Variants in SYT1 observed in about 807,000 individuals in gnomAD.
The protein encoded by SYT1 is synaptotagmin 1.
A neutral mutation model predicts 44.8 loss-of-function variants in SYT1; 8 were observed. That is an observed-to-expected ratio of 0.18 (90% CI 0.10 to 0.32). SYT1 has a LOEUF of 0.32. Among genes scored for constraint, SYT1 ranks in the 10% least tolerant of loss-of-function variants. The pLI is 1.00. For synonymous variants in SYT1, 154 were observed against 188.8 expected (o/e 0.82, Z 1.51); for missense variants, 286 against 509.3 (o/e 0.56, Z 4.22).
intron 8 of SYT1, among the ~76,000 whole-genome samples, chr12:79,342,418 A>AT (rs1440281246): frequency 6.6e-6 from 1 of 152,042 alleles, no homozygotes; most frequent in Non-Finnish European, 1.5e-5. Flanking sequence ...TTTTGTAGAG[A>AT]TAGAGTCTGG....
At chr12:79,272,334 C>T (rs1316835275) in intron 4 of SYT1, among the ~76,000 whole-genome samples, 1 of 152,004 alleles carries the variant, frequency 6.6e-6, no homozygotes, top group Non-Finnish European at 1.5e-5. Flanking sequence ...TATCTGATTA[C>T]AATGAACGGG....
intron 2 of SYT1, among the ~76,000 whole-genome samples, chr12:78,993,098 T>C (rs17046167): frequency 0.084 from 12,780 of 152,254 alleles, 663 homozygotes; most frequent in African/African-American, 0.14. Context: ...TCCCTTCTGA[T>C]GGCTTTATAT....
intron 2 of SYT1, among the ~76,000 whole-genome samples, chr12:78,993,811 C>G (rs1284457115): frequency 6.6e-6 from 1 of 151,996 alleles, no homozygotes; most frequent in East Asian, 1.9e-4. Context: ...TTTAAGTATC[C>G]AAATTCTTTG....
chr12:79,242,724 T>C (rs1459365179), intron 4 of SYT1, among the ~76,000 whole-genome samples: 2 of 152,324 alleles, frequency 1.3e-5, no homozygotes, highest in East Asian at 3.9e-4. Context: ...CCAACCAGGT[T>C]GTCTGCTACT....
chr12:79,254,605 T>A (rs951531865), intron 4 of SYT1, among the ~76,000 whole-genome samples: 2 of 152,216 alleles, frequency 1.3e-5, no homozygotes, highest in African/African-American at 4.8e-5. Context: ...AGACTGTAAC[T>A]GCTGTATATA....
Position 79,172,997 on chromosome 12 carries a change from AAAAAAAAAAG to A in SYT1, c.-17-44505_-17-44496del, listed in dbSNP as rs1404972915. 2.2e-4 allele frequency among the ~76,000 whole-genome samples: 31 copies of A among 137,950 alleles called. 2 individuals are homozygous for A. The South Asian group carries it at 4.0e-3, about 18-fold the overall frequency. The allele number at this position is 137,950 out of a possible 152,430, so 90.5% of individuals were successfully genotyped here. On this transcript the variant is annotated intron_variant, in intron 3 of 10. Coordinates refer to ENST00000261205, the MANE Select transcript of SYT1 (RefSeq NM_005639.3). ...AAAAAAAAAAAAAAAAAAAAAAAAAAAAAAAAAAAGGGAGTTTGGCCTGTCCAGAAATAAA... is the reference window on the plus strand; with the variant it reads ...AAAAAAAAAAAAAAAAAAAAAAAAAAGGAGTTTGGCCTGTCCAGAAATAAA...
chr12:79,096,041 A>G (rs1193156702), intron 3 of SYT1, among the ~76,000 whole-genome samples: 1 of 151,912 alleles, frequency 6.6e-6, no homozygotes, highest in Non-Finnish European at 1.5e-5. Flanking sequence ...GATGAGGGGA[A>G]GAAATGCACT....
intron 8 of SYT1, among the ~76,000 whole-genome samples, chr12:79,349,984 C>T (rs1023423613): frequency 6.6e-6 from 1 of 152,112 alleles, no homozygotes; most frequent in Non-Finnish European, 1.5e-5. Context: ...GACAGAAGTG[C>T]TTTTCTTCTC....
At chr12:78,969,559 C>T (rs1349326458) in intron 1 of SYT1, among the ~76,000 whole-genome samples, 2 of 152,168 alleles carry the variant, frequency 1.3e-5, no homozygotes, top group East Asian at 1.9e-4. Flanking sequence ...TGGGCCATGG[C>T]AGGGGATCAG....
chr12:79,431,541 T>TTTAG (rs1475811749), intron 9 of SYT1, among the ~76,000 whole-genome samples: 1 of 149,702 alleles, frequency 6.7e-6, no homozygotes, highest in African/African-American at 2.5e-5. Flanking sequence ...TATTTATTTA[T>TTTAG]TTATTTATTT....
At chr12:79,318,991 CATTA>C (rs1463921469) in intron 8 of SYT1, among the ~76,000 whole-genome samples, 1 of 152,110 alleles carries the variant, frequency 6.6e-6, no homozygotes, top group Non-Finnish European at 1.5e-5. Flanking sequence ...ATAAAATAAA[CATTA>C]ATATTTAACT....
chr12:79,283,003 G>A (rs1227593067), intron 4 of SYT1, among the ~76,000 whole-genome samples: 2 of 152,030 alleles, frequency 1.3e-5, no homozygotes, highest in Non-Finnish European at 2.9e-5. Context: ...TTGTTTCTTA[G>A]TAAACTTGCC....
intron 1 of SYT1, among the ~76,000 whole-genome samples, chr12:78,950,771 T>C (rs887214674): frequency 6.6e-6 from 1 of 152,084 alleles, no homozygotes; most frequent in African/African-American, 2.4e-5. Context: ...CTGTTTTCCT[T>C]AACCACAAAT....
intron 8 of SYT1, among the ~76,000 whole-genome samples, chr12:79,306,517 G>A (rs1038873840): frequency 4.6e-4 from 70 of 152,308 alleles, no homozygotes; most frequent in African/African-American, 1.7e-3. Context: ...ATGTTCTTGT[G>A]AGTTTTATAT....
intron 1 of SYT1, among the ~76,000 whole-genome samples, chr12:78,937,581 A>G (rs10861183): frequency 0.2 from 30,694 of 152,076 alleles, 3,944 homozygotes; most frequent in South Asian, 0.4. Context: ...AATGTAAGTC[A>G]AGATAAGCAA....
intron 9 of SYT1, among the ~76,000 whole-genome samples, chr12:79,416,058 A>G (rs1416271569): frequency 6.6e-6 from 1 of 152,208 alleles, no homozygotes; most frequent in African/African-American, 2.4e-5. Flanking sequence ...TTTTTGTTTT[A>G]GCTTGTGGGA....
intron 4 of SYT1, among the ~76,000 whole-genome samples, chr12:79,224,735 T>C (rs1043273016): frequency 1.7e-5 from 1 of 60,564 alleles, no homozygotes; most frequent in Admixed American, 1.8e-4. Context: ...TTGTTTCATT[T>C]TTTATTTATT....
chr12:79,376,910 A>G (rs1884016750), intron 9 of SYT1, among the ~76,000 whole-genome samples: 1 of 152,194 alleles, frequency 6.6e-6, no homozygotes, highest in Non-Finnish European at 1.5e-5. Context: ...TATATGACTT[A>G]TCTATTCATT....
intron 1 of SYT1, among the ~76,000 whole-genome samples, chr12:78,937,266 A>C (rs1231549167): frequency 1.3e-5 from 2 of 151,962 alleles, no homozygotes; most frequent in African/African-American, 4.8e-5. Context: ...GGTATGACTC[A>C]TTTGGACTCT....
Sources: allele counts gnomAD v4.1 joint callset (sites outside exome capture counted in the v4.1 genomes callset), GRCh38; gene constraint gnomAD v4.1.1; transcripts MANE v1.5; gene names NCBI Gene and HGNC (gene_info 2026-07-23, HGNC 2026-07-21).